Variants in SLMAP observed in about 807,000 individuals in gnomAD.
SLMAP encodes the protein sarcolemmal membrane-associated protein.
In SLMAP, 44 loss-of-function variants were observed where a neutral mutation model predicts 128.8. The ratio of observed to expected loss-of-function variants is 0.34; its 90% CI spans 0.27 to 0.44. The LOEUF (loss-of-function observed/expected upper bound fraction) is 0.44. SLMAP is among the 20% of genes least tolerant of loss of function. The probability of loss-of-function intolerance (pLI) is 1.00; values close to 1 mark genes in which losing one functional copy is unlikely to be tolerated. For missense variants in SLMAP, 787 were observed against 985.3 expected, an observed-to-expected ratio of 0.80 and a Z score of 2.69; for synonymous variants, 327 against 348.8, an observed-to-expected ratio of 0.94 and a Z score of 0.70.
At chr3:57,768,774 A>G (rs1188467937) in intron 2 of SLMAP, among the ~76,000 whole-genome samples, 2 of 152,146 alleles carry the variant, frequency 1.3e-5, no homozygotes, top group Non-Finnish European at 2.9e-5. Context: ...ATTACCCTCC[A>G]TAATGTGGGT....
intron 14 of SLMAP, among the ~76,000 whole-genome samples, chr3:57,879,503 A>G (rs1364218884): frequency 2.6e-5 from 4 of 152,182 alleles, no homozygotes; most frequent in Non-Finnish European, 1.5e-5. Flanking sequence ...GGACAAATAC[A>G]CTGGGGCATA....
chr3:57,779,518 A>C (rs1432058981), intron 2 of SLMAP, among the ~76,000 whole-genome samples: 3 of 151,764 alleles, frequency 2.0e-5, no homozygotes, highest in Non-Finnish European at 4.4e-5. Flanking sequence ...CAAAAAAAAA[A>C]AAAAAAACAA....
At chr3:57,781,829 T>G (rs751728540) in intron 2 of SLMAP, among the ~76,000 whole-genome samples, 13 of 146,792 alleles carry the variant, frequency 8.9e-5, no homozygotes, top group Non-Finnish European at 1.5e-4. Flanking sequence ...GCCTCCCAGG[T>G]TCAAGCAATT....
At chr3:57,880,446 G>A (rs923742520) in intron 14 of SLMAP, among the ~76,000 whole-genome samples, 2 of 151,898 alleles carry the variant, frequency 1.3e-5, no homozygotes, top group Admixed American at 6.6e-5. Flanking sequence ...CAGGTGATCC[G>A]CCCGCCTCAG....
chr3:57,910,146 T>C (rs541815137), intron 19 of SLMAP, among the ~76,000 whole-genome samples: 2 of 152,190 alleles, frequency 1.3e-5, no homozygotes, highest in South Asian at 2.1e-4. Context: ...GGTGTAGATA[T>C]ATTGCCATCT....
At chr3:57,824,368 G>A (rs897277189) in intron 2 of SLMAP, among the ~76,000 whole-genome samples, 7 of 152,052 alleles carry the variant, frequency 4.6e-5, no homozygotes, top group African/African-American at 1.7e-4. Flanking sequence ...AGAAATAATG[G>A]CCGAAAAGTA....
chr3:57,777,411 T>A (rs937793198), intron 2 of SLMAP, among the ~76,000 whole-genome samples: 4 of 152,048 alleles, frequency 2.6e-5, no homozygotes, highest in Non-Finnish European at 4.4e-5. Context: ...ACATTAAAAA[T>A]TAATTTTATT....
chr3:57,884,844 A>G (rs7644886), intron 14 of SLMAP, among the ~76,000 whole-genome samples: 47,041 of 151,914 alleles, frequency 0.31, 7,628 homozygotes, highest in East Asian at 0.48. Context: ...AAGTCTCCCA[A>G]CAAACTGCCA....
At chr3:57,872,256 C>G (rs150935378) in intron 14 of SLMAP, among the ~76,000 whole-genome samples, 1 of 152,000 alleles carries the variant, frequency 6.6e-6, no homozygotes, top group Non-Finnish European at 1.5e-5. Flanking sequence ...GAGCCGAGAT[C>G]GCACCATTGC....
intron 2 of SLMAP, among the ~76,000 whole-genome samples, chr3:57,782,151 A>G (rs931444703): frequency 1.3e-5 from 2 of 152,188 alleles, no homozygotes; most frequent in South Asian, 2.1e-4. Context: ...ATTTGGTCAT[A>G]TCTCTTGAAA....
intron 2 of SLMAP, among the ~76,000 whole-genome samples, chr3:57,759,458 G>C (rs759632946): frequency 6.6e-6 from 1 of 152,086 alleles, no homozygotes; most frequent in Non-Finnish European, 1.5e-5. Context: ...TGTATTTTTA[G>C]TAGAGACAGG....
At chr3:57,851,713 G>A (rs1347096634) in intron 6 of SLMAP, among the ~76,000 whole-genome samples, 4 of 151,930 alleles carry the variant, frequency 2.6e-5, no homozygotes, top group Admixed American at 2.6e-4. Context: ...TTAAACTCCT[G>A]ACCTCAAGTG....
chr3:57,886,418 G>A lies in SLMAP; in HGVS notation c.1301-3623G>A, dbSNP rs561065243. 9.2e-5 allele frequency among the ~76,000 whole-genome samples: 14 copies of A among 152,216 alleles called. No individual in the cohort carries two copies. The South Asian group carries it at 2.9e-3, about 32-fold the overall frequency. On this transcript the variant is annotated intron_variant, in intron 14 of 24. Coordinates refer to ENST00000671191, the MANE Select transcript of SLMAP (RefSeq NM_001377540.1). ...CCAGCTTAAAAGTATAATTTTTGAAGTTTTATGGATGAAGCAAGATAAAGA... is the reference window on the plus strand; with the variant it reads ...CCAGCTTAAAAGTATAATTTTTGAAATTTTATGGATGAAGCAAGATAAAGA...
intron 6 of SLMAP, among the ~76,000 whole-genome samples, chr3:57,853,975 A>C (rs1161263411): frequency 9.9e-6 from 1 of 101,176 alleles, no homozygotes; most frequent in African/African-American, 4.0e-5. Flanking sequence ...ATATATATAT[A>C]TATATATATA....
At chr3:57,783,019 T>C (rs868249438) in intron 2 of SLMAP, among the ~76,000 whole-genome samples, 1 of 152,218 alleles carries the variant, frequency 6.6e-6, no homozygotes, top group East Asian at 1.9e-4. Flanking sequence ...ATCTGTGATA[T>C]TGTGGTATAG....
chr3:57,875,612 A>T (rs944203249), intron 14 of SLMAP, among the ~76,000 whole-genome samples: 2 of 152,252 alleles, frequency 1.3e-5, no homozygotes, highest in African/African-American at 4.8e-5. Flanking sequence ...TTGGGCTATG[A>T]GTTCAGGTAG....
intron 2 of SLMAP, among the ~76,000 whole-genome samples, chr3:57,781,168 A>G (rs1356247821): frequency 6.6e-6 from 1 of 151,974 alleles, no homozygotes; most frequent in Non-Finnish European, 1.5e-5. Context: ...GTAGTGAGCT[A>G]TGATTGCACC....
At chr3:57,812,150 C>A (rs955902898) in intron 2 of SLMAP, among the ~76,000 whole-genome samples, 1 of 152,138 alleles carries the variant, frequency 6.6e-6, no homozygotes, top group South Asian at 2.1e-4. Context: ...ACTGCCAAAT[C>A]CAATGTTGTG....
intron 19 of SLMAP, 165 bp from the exon 20 acceptor site, chr3:57,912,216 C>G: frequency 1.9e-6 from 1 of 529,036 alleles, no homozygotes; most frequent in East Asian, 2.9e-5. Flanking sequence ...TTTTTTTCCT[C>G]TTTGCTATCT....
Sources: gnomAD v4.1 joint callset for allele counts (sites outside exome capture counted in the v4.1 genomes callset) on GRCh38, gnomAD v4.1.1 for gene constraint, MANE v1.5 for transcripts, NCBI Gene and HGNC (gene_info 2026-07-23, HGNC 2026-07-21) for gene names.